The following SLITRK3 variants were observed in gnomAD, a reference collection of about 807,000 sequenced individuals.
SLITRK3 encodes the protein SLIT and NTRK-like protein 3.
Under a neutral mutation model 63.6 loss-of-function variants are expected in SLITRK3, and 16 were observed. The observed-to-expected ratio is 0.25, with a 90% confidence interval of 0.17 to 0.38. SLITRK3 has a LOEUF of 0.38. SLITRK3 is among the 10% of genes least tolerant of loss of function. The probability of loss-of-function intolerance (pLI) is 1.00; values close to 1 mark genes in which losing one functional copy is unlikely to be tolerated. For missense variants in SLITRK3, 1,117 were observed against 1,181.4 expected (o/e 0.95, Z 0.80); for synonymous variants, 547 against 451.6 (o/e 1.21, Z -2.68).
Position 165,190,133 on chromosome 3 carries a change from G to A in SLITRK3, c.698C>T (p.Pro233Leu). ...SLMELQLEEN[P>L]WNCTCEIVQL... Reference sequence around the variant, plus strand: ...TACAATTTCACATGTACAGTTCCAAGGGTTTTCTTCCAGCTGGAGCTCCAT... The same window carrying A: ...TACAATTTCACATGTACAGTTCCAAAGGTTTTCTTCCAGCTGGAGCTCCAT... The change falls in exon 2 of 2, where the codon CCT becomes CTT. Residue 233 changes from proline (P) to leucine (L), a missense_variant. By Grantham distance (98) the Pro-to-Leu change is moderately conservative. This residue lies in a region of SLITRK3 where 452 missense variants were observed against 495.3 expected (regional missense o/e 0.91). Transcript: ENST00000475390. The A allele has an allele frequency of 1.2e-6, 2 of 1,614,142 alleles. No homozygotes were observed.
In SLITRK3 at chr3:165,196,241, G is replaced by T. The variant is rs1348729345; in HGVS notation, c.-683C>A. Among the ~76,000 whole-genome samples, 1 of 147,262 alleles carries T rather than the reference G, an allele frequency of 6.8e-6. No individual in the cohort carries two copies. The highest frequency in any genetic ancestry group is 1.5e-5 in the Non-Finnish European group (1 of 66,676). On this transcript the variant is annotated 5_prime_UTR_variant, in exon 1 of 2. Transcript: ENST00000475390. ...CTCAGATCCCAGCATTGGTCAGACG[G>T]CGAAGGTGGGGGGAAAGAAGGAGAG...
upstream of SLITRK3, chr3:165,196,899 C>CTCTCTCTCTCTCTCTG (rs1243098771): frequency 2.5e-5 from 3 of 119,424 alleles, no homozygotes; most frequent in Non-Finnish European, 4.8e-5. Context: ...CTCTCTCTGT[C>CTCTCTCTCTCTCTCTG]TCTCTCTCTC....
chr3:165,196,899 C>CTCTG (rs1718452082), upstream of SLITRK3: 1 of 119,424 alleles, frequency 8.4e-6, no homozygotes, highest in South Asian at 2.7e-4. Context: ...CTCTCTCTGT[C>CTCTG]TCTCTCTCTC....
At chr3:165,193,081 G>A (rs977805013) in intron 1 of SLITRK3, among the ~76,000 whole-genome samples, 10 of 151,504 alleles carry the variant, frequency 6.6e-5, no homozygotes. Context: ...CGAGCACTAG[G>A]AACCCCTGAC....
In SLITRK3 at chr3:165,196,247, G is replaced by T. The variant is rs1471709308; in HGVS notation, c.-689C>A. Among the ~76,000 whole-genome samples the T allele has an allele frequency of 6.7e-6, 1 of 148,452 alleles. No individual in the cohort carries two copies. Among genetic ancestry groups the T allele is most frequent in the African/African-American group, 2.5e-5 (1 of 40,656 alleles). ...TCCCAGCATTGGTCAGACGGCGAAGGTGGGGGGAAAGAAGGAGAGGGGGAG... is the reference window on the plus strand; with the variant it reads ...TCCCAGCATTGGTCAGACGGCGAAGTTGGGGGGAAAGAAGGAGAGGGGGAG... On this transcript the variant is annotated 5_prime_UTR_variant, in exon 1 of 2. Transcript: ENST00000475390.
rs958435761 is a variant in SLITRK3 at position 165,188,000 on chromosome 3, G to C, written c.2831C>G (p.Thr944Arg). Reference protein sequence around the residue: ...TLLFSAGKGFTDHQTQKSDYL... With the variant: ...TLLFSAGKGFRDHQTQKSDYL... ...ATCACTTTTTTGGGTTTGGTGGTCTGTGAAGCCCTTTCCAGCCGAGAAGAG... is the reference window on the plus strand; with the variant it reads ...ATCACTTTTTTGGGTTTGGTGGTCTCTGAAGCCCTTTCCAGCCGAGAAGAG... Residue 944 changes from threonine (T) to arginine (R), a missense_variant, in exon 2 of 2, where the codon ACA (threonine) becomes AGA (arginine). This residue lies in a region of SLITRK3 where 499 missense variants were observed against 463.6 expected (regional missense o/e 1.08). Coordinates refer to ENST00000475390, the MANE Select transcript of SLITRK3 (RefSeq NM_001318810.2). 6.2e-6 allele frequency: 10 copies of C among 1,613,946 alleles called. No individual in the cohort carries two copies. The South Asian group carries it at 9.9e-5, about 16-fold the overall frequency.
intron 1 of SLITRK3, among the ~76,000 whole-genome samples, chr3:165,191,941 A>G (rs978792615): frequency 8.5e-5 from 13 of 152,234 alleles, no homozygotes; most frequent in African/African-American, 3.1e-4. Flanking sequence ...TATTCTGATA[A>G]CAGTCTTTCT....
In SLITRK3 at chr3:165,188,596, G is replaced by C. The variant is rs530152284; in HGVS notation, c.2235C>G (p.His745Gln). ...GGTTGTTGCACATTTGGGTAACCGG[G>C]TGGGGGATGTACTCATACACATGAC... ...PVGHVYEYIP[H>Q]PVTQMCNNPI... Residue 745 changes from histidine (H) to glutamine (Q), a missense_variant, in exon 2 of 2, where the codon CAC becomes CAG. By Grantham distance (24) the His-to-Gln change is conservative (BLOSUM62 0). Around this residue, in one of 4 missense-constraint regions of SLITRK3, gnomAD observed 499 missense variants for 463.6 expected, o/e 1.08. Transcript: ENST00000475390. 1 of 1,613,980 alleles carries C rather than the reference G, an allele frequency of 6.2e-7. No individual in the cohort carries two copies. Among genetic ancestry groups the C allele is most frequent in the Admixed American group, 1.7e-5 (1 of 60,010 alleles).
chr3:165,196,901 C>CTCTCTCTG (rs1553792813), upstream of SLITRK3: 231 of 141,314 alleles, frequency 1.6e-3, 1 homozygote, highest in African/African-American at 5.6e-3. Context: ...CTCTCTGTCT[C>CTCTCTCTG]TCTCTCTCTC....
intron 1 of SLITRK3, among the ~76,000 whole-genome samples, chr3:165,191,288 A>G (rs1396467103): frequency 6.6e-6 from 1 of 152,216 alleles, no homozygotes; most frequent in Non-Finnish European, 1.5e-5. Context: ...CTCTGATGGG[A>G]AAAATATGTT....
Position 165,190,203 on chromosome 3 carries a change from C to T in SLITRK3, c.628G>A (p.Val210Ile). 6.2e-7 allele frequency: 1 copy of T among 1,614,200 alleles called. No individual in the cohort carries two copies. The change falls in exon 2 of 2, where the codon GTT becomes ATT. Residue 210 changes from valine (V) to isoleucine (I), a missense_variant. By Grantham distance (29) the Val-to-Ile change is conservative. Around this residue, in one of 4 missense-constraint regions of SLITRK3, gnomAD observed 452 missense variants for 495.3 expected, o/e 0.91. Transcript: ENST00000475390. ...TCTAGCATTCCTCGGTAAAAAAGAA[C>T]CTTTAACCTATTTCCACGTAGGTCC... Reference protein sequence around the residue: ...HLDLRGNRLKVLFYRGMLDHI... With the variant: ...HLDLRGNRLKILFYRGMLDHI...
rs951099664 is a variant in SLITRK3 at position 165,187,744 on chromosome 3, T to C, written c.*153A>G. 43 of 604,722 alleles carry C rather than the reference T, an allele frequency of 7.1e-5. No homozygotes were observed. In the Admixed American group the frequency reaches 9.5e-4, roughly 13 times the overall value. The allele number at this position is 604,722 out of a possible 1,614,324, so 37.5% of individuals were successfully genotyped here. On this transcript the variant is annotated 3_prime_UTR_variant, in exon 2 of 2. Transcript: ENST00000475390. ...GAGGGGAGAGCATACATCTGTATTC[T>C]CTAGTTATCATGCGGTTTTAGTTTT... is the stretch of plus-strand genomic sequence containing the variant.
In SLITRK3 at chr3:165,189,036, G is replaced by A. The variant is rs1238306028; in HGVS notation, c.1795C>T (p.His599Tyr). ...AGCTCAATAGTGCGCACATCACGGT[G>A]CGTGAGGTTCTCAGGGCTCCTGCAA... ...VLCRSPENLT[H>Y]RDVRTIELEV... The change falls in exon 2 of 2, where the codon CAC becomes TAC. Residue 599 changes from histidine to tyrosine, a missense_variant. Coordinates refer to ENST00000475390, the MANE Select transcript of SLITRK3 (RefSeq NM_001318810.2). The surrounding 1 kb of genome is among the most constrained non-coding windows in gnomAD (Gnocchi z 4.0). The A allele has an allele frequency of 6.2e-7, 1 of 1,614,168 alleles. No individual in the cohort carries two copies. The highest frequency in any genetic ancestry group is 1.1e-5 in the South Asian group (1 of 91,092).
chr3:165,189,216 A>T lies in SLITRK3; in HGVS notation c.1615T>A (p.Phe539Ile). Reference sequence around the variant, plus strand: ...ACACCAGCCACGGGAAGATAGAGGAAGTAGTTCTTCCTCAGGTTGAGCCGG... The same window carrying T: ...ACACCAGCCACGGGAAGATAGAGGATGTAGTTCTTCCTCAGGTTGAGCCGG... ...LARLNLRKNY[F>I]LYLPVAGVLE... The change falls in exon 2 of 2, where the codon TTC (phenylalanine) becomes ATC (isoleucine). Residue 539 changes from phenylalanine to isoleucine, a missense_variant. By Grantham distance (21) the Phe-to-Ile change is conservative. Coordinates refer to ENST00000475390, the MANE Select transcript of SLITRK3 (RefSeq NM_001318810.2). This position sits in a 1 kb window ranked among gnomAD's most constrained non-coding sequence, Gnocchi z 4.0. 6.2e-7 allele frequency: 1 copy of T among 1,614,198 alleles called. No homozygotes were observed. The highest frequency in any genetic ancestry group is 8.5e-7 in the Non-Finnish European group (1 of 1,180,034).
rs756982536 is a variant in SLITRK3 at position 165,187,252 on chromosome 3, G to GTGTGTGTT, written c.*644_*645insAACACACA. On this transcript the variant is annotated 3_prime_UTR_variant, in exon 2 of 2. Coordinates refer to ENST00000475390, the MANE Select transcript of SLITRK3 (RefSeq NM_001318810.2). Reference sequence around the variant, plus strand: ...TGTGTGTGTGTGTGTGTGTGTGTGTGTACCTGCACCAGCAGGAAGAAACTG... The same window carrying GTGTGTGTT: ...TGTGTGTGTGTGTGTGTGTGTGTGTGTGTGTGTTTACCTGCACCAGCAGGAAGAAACTG... The GTGTGTGTT allele has an allele frequency of 2.0e-5, 3 of 148,098 alleles. No homozygotes were observed. The highest frequency in any genetic ancestry group is 7.7e-5 in the African/African-American group (3 of 38,886). 9.2% of individuals were successfully genotyped at this position (148,098 alleles called of 1,614,324 possible). A position where few individuals can be genotyped will look rare whatever the true frequency, so the allele number is the denominator to read the frequency against.
Position 165,188,672 on chromosome 3 carries a change from C to T in SLITRK3, c.2159G>A (p.Gly720Glu), listed in dbSNP as rs1466023888. The T allele has an allele frequency of 6.2e-7, 1 of 1,613,920 alleles. No individual in the cohort carries two copies. Among genetic ancestry groups the T allele is most frequent in the African/African-American group, 1.3e-5 (1 of 74,882 alleles). Residue 720 changes from glycine to glutamate, a missense_variant, in exon 2 of 2, where the codon GGG becomes GAG. Around this residue, in one of 4 missense-constraint regions of SLITRK3, gnomAD observed 499 missense variants for 463.6 expected, o/e 1.08. Transcript: ENST00000475390. ...EDGGGGGGGS[G>E]GGGRPTLSSP... ...GGAAAGAGTTGGTCGACCACCACCC[C>T]CACTTCCGCCACCACCACCTCCACC...
At chr3:165,194,421 CAGT>C (rs1279111827) in intron 1 of SLITRK3, among the ~76,000 whole-genome samples, 1 of 152,106 alleles carries the variant, frequency 6.6e-6, no homozygotes, top group Non-Finnish European at 1.5e-5. Context: ...CACTGGCAGA[CAGT>C]AGCTAATTTT....
rs764155061 is a variant in SLITRK3 at position 165,189,754 on chromosome 3, G to A, written c.1077C>T (p.Pro359=). 3.1e-6 allele frequency: 5 copies of A among 1,614,164 alleles called. No individual in the cohort carries two copies. The Admixed American group carries it at 8.3e-5, about 27-fold the overall frequency. ...QALYPGPNQP[P]IAPYQTRPPI... ...GTGGTCTGGTCTGATAAGGAGCAAT[G>A]GGAGGCTGGTTTGGACCAGGATATA... Residue 359 remains proline, a synonymous_variant, in exon 2 of 2, where the codon CCC becomes CCT. Coordinates refer to ENST00000475390, the MANE Select transcript of SLITRK3 (RefSeq NM_001318810.2). The surrounding 1 kb of genome is among the most constrained non-coding windows in gnomAD (Gnocchi z 4.0).
rs774358910 is a variant in SLITRK3 at position 165,189,951 on chromosome 3, C to T, written c.880G>A (p.Gly294Arg). The change falls in exon 2 of 2, where the codon GGA becomes AGA. Residue 294 changes from glycine (G) to arginine (R), a missense_variant. Coordinates refer to ENST00000475390, the MANE Select transcript of SLITRK3 (RefSeq NM_001318810.2). This position sits in a 1 kb window ranked among gnomAD's most constrained non-coding sequence, Gnocchi z 4.0. ...LSDSEVEASL[G>R]IPHSSSSKEN... is the part of the protein sequence containing the mutation. ...TTACTTGATGACGAATGTGGAATTC[C>T]CAAACTAGCCTCTACCTCAGAGTCA... The T allele has an allele frequency of 1.9e-6, 3 of 1,614,022 alleles. No homozygotes were observed. The African/African-American group carries it at 4.0e-5, about 22-fold the overall frequency.
Sources: gnomAD v4.1 joint callset for allele counts (sites outside exome capture counted in the v4.1 genomes callset) on GRCh38, gnomAD v4.1.1 for gene constraint, gnomAD v4.1.1 regional missense constraint, Gnocchi (gnomAD v3.1) non-coding constraint, MANE v1.5 for transcripts, NCBI Gene and HGNC (gene_info 2026-07-23, HGNC 2026-07-21) for gene names.